Variants in RALGPS1 observed in about 807,000 individuals in gnomAD.
RALGPS1 encodes Ral GEF with PH domain and SH3 binding motif 1.
RALGPS1 carries 19 observed loss-of-function variants against 78.8 expected under a neutral mutation model. That is an observed-to-expected ratio of 0.24 (90% CI 0.17 to 0.35). The LOEUF is 0.35. Ranked by LOEUF, RALGPS1 falls within the 10% of genes least tolerant of loss-of-function variation. RALGPS1 has a pLI of 1.00. For missense variants in RALGPS1, 454 were observed against 688.3 expected, an observed-to-expected ratio of 0.66 and a Z score of 3.81; for synonymous variants, 228 against 256.3, an observed-to-expected ratio of 0.89 and a Z score of 1.06.
intron 2 of RALGPS1, among the ~76,000 whole-genome samples, chr9:126,962,819 A>C (rs760937767): frequency 6.6e-6 from 1 of 152,196 alleles, no homozygotes; most frequent in African/African-American, 2.4e-5. Flanking sequence ...TTTGATTTCC[A>C]TGCTCGGTAA....
intron 4 of RALGPS1, among the ~76,000 whole-genome samples, chr9:126,994,436 G>A (rs2042551966): frequency 6.6e-6 from 1 of 152,200 alleles, no homozygotes; most frequent in South Asian, 2.1e-4. Context: ...ATCAGTGATG[G>A]AAGATGAAAT....
intron 4 of RALGPS1, among the ~76,000 whole-genome samples, chr9:127,006,120 A>G (rs1291662895): frequency 1.3e-5 from 2 of 152,228 alleles, no homozygotes; most frequent in Admixed American, 6.5e-5. Context: ...AATGGGCAAG[A>G]GCTAGAAGCA....
At chr9:126,989,947 A>G (rs1486582142) in intron 4 of RALGPS1, 1 of 1,550,534 alleles carries the variant, frequency 6.4e-7, no homozygotes. Flanking sequence ...AGTTTCCTCC[A>G]GGCCACATGA....
In RALGPS1 at chr9:127,214,943, A is replaced by G. The variant is rs16929702; in HGVS notation, c.1644+101A>G. The G allele has an allele frequency of 1.6e-3, 2,493 of 1,559,836 alleles. 33 individuals carry two copies. The African/African-American group carries it at 0.031, about 19-fold the overall frequency. On this transcript the variant is annotated intron_variant, in intron 18 of 18. Coordinates refer to ENST00000259351, the MANE Select transcript of RALGPS1 (RefSeq NM_014636.3). ...GGGTTCCCTTCTTCTTTCAGAGCCC[A>G]TTAGCCACACTCTCAGATACCCTCT...
chr9:127,107,641 G>A (rs2137069292), intron 8 of RALGPS1, among the ~76,000 whole-genome samples: 2 of 152,298 alleles, frequency 1.3e-5, no homozygotes, highest in Admixed American at 1.3e-4. Context: ...CAGGCTCTGG[G>A]TTCTTTCCTG....
chr9:127,020,381 C>T (rs1409403911), intron 4 of RALGPS1, among the ~76,000 whole-genome samples: 1 of 152,210 alleles, frequency 6.6e-6, no homozygotes, highest in Non-Finnish European at 1.5e-5. Context: ...GATGACCCTG[C>T]AGCACATGAG....
At chr9:126,988,309 G>A (rs563461973) in intron 4 of RALGPS1, among the ~76,000 whole-genome samples, 131 of 152,308 alleles carry the variant, frequency 8.6e-4, no homozygotes, top group African/African-American at 3.1e-3. Flanking sequence ...GTTTGAGCTG[G>A]GCAGGAGACG....
At chr9:126,974,725 G>A (rs977151729) in intron 3 of RALGPS1, among the ~76,000 whole-genome samples, 2 of 152,072 alleles carry the variant, frequency 1.3e-5, no homozygotes, top group Non-Finnish European at 1.5e-5. Flanking sequence ...AGAGACTTAC[G>A]AGTGTTCTCG....
intron 4 of RALGPS1, among the ~76,000 whole-genome samples, chr9:126,982,207 A>T (rs1392452060): frequency 6.6e-6 from 1 of 152,184 alleles, no homozygotes; most frequent in East Asian, 1.9e-4. Context: ...CAAGGGGGGC[A>T]CTATACAAGA....
Position 127,034,532 on chromosome 9 carries a change from C to T in RALGPS1, c.300+18C>T, listed in dbSNP as rs2134660742. 6.2e-7 allele frequency: 1 copy of T among 1,605,928 alleles called. No individual in the cohort carries two copies. Among genetic ancestry groups the T allele is most frequent in the East Asian group, 2.2e-5 (1 of 44,820 alleles). ...TTAACCAGGTAAGCAACACCCCTTG[C>T]ATGTGCCTATCCAGAGAGCAATCTG... is the stretch of plus-strand genomic sequence containing the variant. On this transcript the variant is annotated intron_variant, in intron 5 of 18. Coordinates refer to ENST00000259351, the MANE Select transcript of RALGPS1 (RefSeq NM_014636.3).
chr9:127,151,466 G>A (rs981462792), intron 8 of RALGPS1, among the ~76,000 whole-genome samples: 1 of 152,114 alleles, frequency 6.6e-6, no homozygotes, highest in African/African-American at 2.4e-5. Flanking sequence ...CCTTCTAGAA[G>A]CTCCTCCTCC....
chr9:127,188,297 C>T (rs1349754727), intron 11 of RALGPS1, among the ~76,000 whole-genome samples: 1 of 152,018 alleles, frequency 6.6e-6, no homozygotes, highest in Non-Finnish European at 1.5e-5. Context: ...CTCCTGACCT[C>T]GTGATCCGCC....
intron 9 of RALGPS1, among the ~76,000 whole-genome samples, chr9:127,166,554 G>A (rs2059301668): frequency 6.6e-6 from 1 of 152,078 alleles, no homozygotes; most frequent in South Asian, 2.1e-4. Context: ...GCAGATTCGG[G>A]GACCAGCCTT....
intron 8 of RALGPS1, among the ~76,000 whole-genome samples, chr9:127,125,328 T>C (rs2056532099): frequency 6.6e-6 from 1 of 152,194 alleles, no homozygotes; most frequent in Non-Finnish European, 1.5e-5. Context: ...TGTAGCCCAG[T>C]ACAGAGGAGT....
intron 8 of RALGPS1, chr9:127,108,070 G>T: frequency 6.2e-7 from 1 of 1,611,196 alleles, no homozygotes; most frequent in South Asian, 1.1e-5. Context: ...GACCCGGGGC[G>T]GGGCAGCGGG....
At chr9:126,918,427 C>T (rs769273219) in intron 1 of RALGPS1, among the ~76,000 whole-genome samples, 1 of 152,124 alleles carries the variant, frequency 6.6e-6, no homozygotes, top group Non-Finnish European at 1.5e-5. Flanking sequence ...GCCTTGACCT[C>T]CCAGGCTCAA....
At chr9:127,021,627 CT>C (rs58796181) in intron 4 of RALGPS1, among the ~76,000 whole-genome samples, 54,034 of 131,912 alleles carry the variant, frequency 0.41, 11,488 homozygotes, top group Non-Finnish European at 0.5. Context: ...TCTTCTTCTT[CT>C]TTTTTTTTTT....
chr9:127,171,523 G>A (rs1467843567), intron 10 of RALGPS1, among the ~76,000 whole-genome samples: 2 of 152,188 alleles, frequency 1.3e-5, no homozygotes, highest in Non-Finnish European at 2.9e-5. Flanking sequence ...ACTTTGGAAG[G>A]CCAAGGAGGG....
At chr9:127,168,125 C>T (rs2059382387) in intron 9 of RALGPS1, among the ~76,000 whole-genome samples, 1 of 152,250 alleles carries the variant, frequency 6.6e-6, no homozygotes, top group Non-Finnish European at 1.5e-5. Context: ...GAGCCTGGTA[C>T]AGGCATGTTC....
Sources: gnomAD v4.1 joint callset for allele counts (sites outside exome capture counted in the v4.1 genomes callset) on GRCh38, gnomAD v4.1.1 for gene constraint, MANE v1.5 for transcripts, NCBI Gene and HGNC (gene_info 2026-07-23, HGNC 2026-07-21) for gene names.